USH2A: variants seen among roughly 807,000 people sequenced by gnomAD.
The protein encoded by USH2A is usherin.
A neutral mutation model predicts 538.9 loss-of-function variants in USH2A; 443 were observed. The observed-to-expected ratio is 0.82, with a 90% CI of 0.76 to 0.89. The LOEUF is 0.89. Ranked by LOEUF, USH2A falls within the 40% of genes least tolerant of loss-of-function variation. USH2A has a pLI of 0.00. For synonymous variants in USH2A, 2,413 were observed against 2,273.5 expected, an observed-to-expected ratio of 1.06 and a Z score of -1.75; for missense variants, 6,633 against 6,324.8, an observed-to-expected ratio of 1.05 and a Z score of -1.65.
At chr1:216,026,794 G>T (rs1371098496) in intron 32 of USH2A, among the ~76,000 whole-genome samples, 1 of 152,048 alleles carries the variant, frequency 6.6e-6, no homozygotes, top group Non-Finnish European at 1.5e-5. Flanking sequence ...TTATGAGAGA[G>T]GGGTACACAA....
At chr1:216,325,724 T>C (rs773786382) in intron 5 of USH2A, 125 bp from the exon 6 acceptor site, 13 of 910,196 alleles carry the variant, frequency 1.4e-5, no homozygotes, top group Non-Finnish European at 2.1e-5. Flanking sequence ...TTTTAATAAT[T>C]TGATGCATGA....
chr1:216,222,857 A>G (rs2035483301), intron 14 of USH2A, among the ~76,000 whole-genome samples: 1 of 152,046 alleles, frequency 6.6e-6, no homozygotes, highest in African/African-American at 2.4e-5. Context: ...GCATGCTTGT[A>G]ATCACAGCTA....
intron 67 of USH2A, among the ~76,000 whole-genome samples, chr1:215,646,247 C>A (rs898583158): frequency 9.9e-5 from 15 of 152,026 alleles, no homozygotes; most frequent in Non-Finnish European, 1.5e-5. Flanking sequence ...TTGGACTTAG[C>A]CTGATGCTGT....
Position 215,674,155 on chromosome 1 carries a change from G to A in USH2A, c.13756C>T (p.His4586Tyr), listed in dbSNP as rs145214663. 4.3e-6 allele frequency: 7 copies of A among 1,614,102 alleles called. No homozygotes were observed. The highest frequency in any genetic ancestry group is 2.7e-5 in the African/African-American group (2 of 75,036). ...TATGACTGCATACCAAAAGAATTAT[G>A]AGTTGTGTTTATGTGTATGATTTTA... is the stretch of plus-strand genomic sequence containing the variant. Reference protein sequence around the residue: ...ETKIIHINTTHNSFGMQSYIV... With the variant: ...ETKIIHINTTYNSFGMQSYIV... Residue 4586 changes from histidine (H) to tyrosine (Y), a missense_variant, in exon 63 of 72, where the codon CAT becomes TAT. Physicochemically the swap from His to Tyr is moderately conservative, Grantham distance 83 (BLOSUM62 2). Coordinates refer to ENST00000307340, the MANE Select transcript of USH2A (RefSeq NM_206933.4).
At chr1:215,909,244 C>T (rs1004324137) in intron 38 of USH2A, among the ~76,000 whole-genome samples, 4 of 151,712 alleles carry the variant, frequency 2.6e-5, no homozygotes, top group African/African-American at 9.7e-5. Flanking sequence ...AAAGGCAAAA[C>T]TATAGAGACG....
At position 215,623,945 on chromosome 1, in the gene USH2A, C is replaced by G. The variant is rs1655901131; in HGVS notation, c.*1836G>C. ...AAGGATTAGGATGCAAGTTTGTGAC[C>G]ACTCCTTTCCTATATACCTTAAGTA... On this transcript the variant is annotated 3_prime_UTR_variant, in exon 72 of 72. Coordinates refer to ENST00000307340, the MANE Select transcript of USH2A (RefSeq NM_206933.4). 1 of 152,016 alleles carries G rather than the reference C, an allele frequency of 6.6e-6. No individual in the cohort carries two copies. Among genetic ancestry groups the G allele is most frequent in the Non-Finnish European group, 1.5e-5 (1 of 68,004 alleles). The allele number at this position is 152,016 out of a possible 1,614,324, so 9.4% of individuals were successfully genotyped here.
intron 11 of USH2A, among the ~76,000 whole-genome samples, chr1:216,253,264 C>T (rs562491111): frequency 9.9e-5 from 15 of 151,566 alleles, no homozygotes; most frequent in African/African-American, 3.4e-4. Flanking sequence ...CTGCAACCTC[C>T]GCCTCCCAGG....
At chr1:215,669,786 T>C (rs1269392082) in intron 64 of USH2A, among the ~76,000 whole-genome samples, 1 of 152,236 alleles carries the variant, frequency 6.6e-6, no homozygotes, top group Non-Finnish European at 1.5e-5. Flanking sequence ...ATTAATTCGG[T>C]AATTTGTCCC....
chr1:216,013,545 C>T lies in USH2A; in HGVS notation c.6326-12983G>A, dbSNP rs146103362. Among the ~76,000 whole-genome samples the T allele has an allele frequency of 7.1e-3, 1,087 of 152,172 alleles. 13 individuals are homozygous for T. The highest frequency in any genetic ancestry group is 0.025 in the African/African-American group (1,040 of 41,504). ...AGATGGCCGGTTCCTGCCTTAACTG[C>T]TGACATTCCACCACGAAAGAAGTGA... On this transcript the variant is annotated intron_variant, in intron 32 of 71. Coordinates refer to ENST00000307340, the MANE Select transcript of USH2A (RefSeq NM_206933.4).
chr1:216,298,611 T>C (rs538936026), intron 9 of USH2A, among the ~76,000 whole-genome samples: 85 of 152,260 alleles, frequency 5.6e-4, no homozygotes, highest in Non-Finnish European at 1.0e-3. Flanking sequence ...ACCCTGCAGA[T>C]ATATGGATAA....
intron 21 of USH2A, among the ~76,000 whole-genome samples, chr1:216,113,137 T>TAAAAAAAAAAAAAAAAAA (rs71159901): frequency 7.8e-6 from 1 of 127,582 alleles, no homozygotes. Context: ...CTCCAAATGA[T>TAAAAAAAAAAAAAAAAAA]AAAAAAAAAA....
intron 21 of USH2A, among the ~76,000 whole-genome samples, chr1:216,170,962 A>G (rs1368401071): frequency 6.6e-6 from 1 of 152,054 alleles, no homozygotes; most frequent in African/African-American, 2.4e-5. Flanking sequence ...CTGTTTCACC[A>G]TGATTGTTTA....
chr1:216,365,171 C>T (rs2038571599), intron 3 of USH2A, 86 bp from the exon 4 acceptor site: 1 of 1,460,810 alleles, frequency 6.8e-7, no homozygotes, highest in African/African-American at 1.4e-5. Context: ...TATTAAGTAA[C>T]TTTCTTTCTT....
At chr1:216,174,298 T>G (rs2034329627) in intron 21 of USH2A, 1 of 976,258 alleles carries the variant, frequency 1.0e-6, no homozygotes, top group Non-Finnish European at 1.2e-6. Context: ...GTTTACATAA[T>G]AATATATATC....
chr1:216,386,348 T>A (rs1310857066), intron 3 of USH2A, among the ~76,000 whole-genome samples: 4 of 149,752 alleles, frequency 2.7e-5, no homozygotes, highest in African/African-American at 4.9e-5. Context: ...ATACAAAAAA[T>A]TTGCTGGTCG....
At chr1:215,882,446 C>T (rs1048049195) in intron 41 of USH2A, among the ~76,000 whole-genome samples, 1 of 152,074 alleles carries the variant, frequency 6.6e-6, no homozygotes, top group Non-Finnish European at 1.5e-5. Context: ...TTCACAATGT[C>T]TTCCTTTCCT....
chr1:215,648,755 G>A lies in USH2A; in HGVS notation c.14355C>T (p.Gly4785=), dbSNP rs777487237. 10 of 1,613,976 alleles carry A rather than the reference G, an allele frequency of 6.2e-6. No homozygotes were observed. In the East Asian group the frequency reaches 2.2e-4, roughly 36 times the overall value. ...CATGGAGAGTCTGCTGGGTGGCCAT[G>A]CCTTCGGATAGCTGTGGAAGGAAGG... ...AHGAETVLSE[G]MATQQTLHGL... Residue 4785 remains glycine, a synonymous_variant, in exon 66 of 72, where the codon GGC becomes GGT. Transcript: ENST00000307340.
chr1:215,876,995 T>C (rs905888243), intron 43 of USH2A, among the ~76,000 whole-genome samples: 2 of 152,184 alleles, frequency 1.3e-5, no homozygotes, highest in African/African-American at 2.4e-5. Flanking sequence ...AAACATATGA[T>C]CGAGGAGTTT....
chr1:216,377,482 T>C (rs1286786757), intron 3 of USH2A, among the ~76,000 whole-genome samples: 1 of 152,128 alleles, frequency 6.6e-6, no homozygotes, highest in Non-Finnish European at 1.5e-5. Context: ...CCCTTCACAA[T>C]CACACAGATA....
Sources: gnomAD v4.1 joint callset for allele counts (sites outside exome capture counted in the v4.1 genomes callset) on GRCh38, gnomAD v4.1.1 for gene constraint, MANE v1.5 for transcripts, NCBI Gene and HGNC (gene_info 2026-07-23, HGNC 2026-07-21) for gene names.